Variants in MICAL2 observed in about 807,000 individuals in gnomAD.
The protein encoded by MICAL2 is microtubule associated monooxygenase, calponin and LIM domain containing 2.
A neutral mutation model predicts 127.3 loss-of-function variants in MICAL2; 77 were observed. The observed-to-expected ratio is 0.60, with a 90% confidence interval of 0.50 to 0.73. The LOEUF (loss-of-function observed/expected upper bound fraction) is 0.73. MICAL2 is among the 30% of genes least tolerant of loss of function. MICAL2 has a pLI of 0.00. For missense variants in MICAL2, 1,351 were observed against 1,434.4 expected (o/e 0.94, Z 0.94); for synonymous variants, 570 against 551.1 (o/e 1.03, Z -0.48).
chr11:12,341,564 T>G (rs1938865687), intron 32 of MICAL2, among the ~76,000 whole-genome samples: 1 of 152,204 alleles, frequency 6.6e-6, no homozygotes, highest in Non-Finnish European at 1.5e-5. Flanking sequence ...CGGTGGCTTA[T>G]GCCTCTAATC....
chr11:12,236,733 C>A (rs144339654), intron 16 of MICAL2, among the ~76,000 whole-genome samples: 39 of 152,330 alleles, frequency 2.6e-4, no homozygotes, highest in African/African-American at 8.9e-4. Flanking sequence ...TTACAGGTTA[C>A]TTTGTCAAAG....
chr11:12,230,772 A>G (rs1858151260), intron 15 of MICAL2, among the ~76,000 whole-genome samples: 1 of 151,602 alleles, frequency 6.6e-6, no homozygotes, highest in African/African-American at 2.4e-5. Context: ...ATCAACTTCA[A>G]GCAAAATGAA....
chr11:12,280,276 C>A (rs7947131), intron 1 of MICAL2, among the ~76,000 whole-genome samples: 2 of 151,808 alleles, frequency 1.3e-5, no homozygotes, highest in Non-Finnish European at 2.9e-5. Context: ...ACCAGAGAGA[C>A]CTTAGGAGTC....
At position 12,221,778 on chromosome 11, in the gene MICAL2, G is replaced by C. The variant is rs960743574; in HGVS notation, c.1322+19G>C. The C allele has an allele frequency of 6.2e-7, 1 of 1,600,610 alleles. No homozygotes were observed. Among genetic ancestry groups the C allele is most frequent in the Non-Finnish European group, 8.6e-7 (1 of 1,169,454 alleles). On this transcript the variant is annotated intron_variant, in intron 10 of 27. Transcript: ENST00000683283. Reference sequence around the variant, plus strand: ...CTGAAAGGTGAGCTTTGACAGTAGGGCTCCTAACTGGGGGGCAGGGCACTC... The same window carrying C: ...CTGAAAGGTGAGCTTTGACAGTAGGCCTCCTAACTGGGGGGCAGGGCACTC...
intron 32 of MICAL2, among the ~76,000 whole-genome samples, chr11:12,336,914 CT>C (rs1401145514): frequency 6.6e-6 from 1 of 152,014 alleles, no homozygotes; most frequent in South Asian, 2.1e-4. Context: ...CTAAAATTCT[CT>C]TTTTTTGTTG....
At chr11:12,280,148 C>A (rs1863756853) in intron 1 of MICAL2, among the ~76,000 whole-genome samples, 2 of 152,178 alleles carry the variant, frequency 1.3e-5, no homozygotes, top group South Asian at 4.1e-4. Flanking sequence ...TAAATACCAC[C>A]CACCCCTCAC....
At chr11:12,240,193 A>G (rs1859687267) in intron 17 of MICAL2, among the ~76,000 whole-genome samples, 1 of 152,008 alleles carries the variant, frequency 6.6e-6, no homozygotes, top group African/African-American at 2.4e-5. Flanking sequence ...GTTTTGTCTG[A>G]TGGGGGTTAG....
At chr11:12,124,195 C>G (rs556901807) in intron 1 of MICAL2, among the ~76,000 whole-genome samples, 2 of 152,260 alleles carry the variant, frequency 1.3e-5, no homozygotes, top group African/African-American at 4.8e-5. Flanking sequence ...TTCCATTGAT[C>G]AGAATCCTAT....
chr11:12,226,084 C>G, intron 13 of MICAL2, 87 bp from the exon 14 acceptor site: 7 of 1,291,224 alleles, frequency 5.4e-6, no homozygotes, highest in Non-Finnish European at 7.8e-6. Flanking sequence ...GTGTCACCCT[C>G]AGTGCTCCTT....
At chr11:12,305,594 A>C (rs1204911478) in intron 29 of MICAL2, among the ~76,000 whole-genome samples, 1 of 152,208 alleles carries the variant, frequency 6.6e-6, no homozygotes, top group African/African-American at 2.4e-5. Flanking sequence ...CATTATAACA[A>C]TATACTGTAA....
intron 32 of MICAL2, among the ~76,000 whole-genome samples, chr11:12,339,574 G>C (rs1259089167): frequency 6.6e-6 from 1 of 152,050 alleles, no homozygotes; most frequent in Admixed American, 6.5e-5. Flanking sequence ...CCATCTTTGT[G>C]GTTTTATCTA....
At chr11:12,133,581 G>A (rs184862476) in intron 1 of MICAL2, among the ~76,000 whole-genome samples, 14 of 151,708 alleles carry the variant, frequency 9.2e-5, no homozygotes, top group South Asian at 4.2e-4. Context: ...GACTATAGTC[G>A]TCCCTATTAA....
At chr11:12,138,657 G>T (rs1221690722) in intron 2 of MICAL2, among the ~76,000 whole-genome samples, 197 bp downstream of exon 2, 4 of 152,174 alleles carry the variant, frequency 2.6e-5, no homozygotes, top group African/African-American at 9.7e-5. Flanking sequence ...ACACCACTGA[G>T]TTAGGGTTTG....
chr11:12,158,192 TA>T (rs202103554), intron 2 of MICAL2, among the ~76,000 whole-genome samples: 15 of 147,156 alleles, frequency 1.0e-4, no homozygotes, highest in Admixed American at 2.0e-4. Context: ...GGACATATTC[TA>T]AAAAAAAAAG....
At chr11:12,253,912 ACT>A in intron 22 of MICAL2, 1 of 152,258 alleles carries the variant, frequency 6.6e-6, no homozygotes, top group Middle Eastern at 3.4e-3. Flanking sequence ...TTGGTGATTA[ACT>A]CAACCTTCAG....
intron 1 of MICAL2, among the ~76,000 whole-genome samples, chr11:12,132,804 A>G (rs1489545121): frequency 1.3e-5 from 2 of 152,244 alleles, no homozygotes; most frequent in Non-Finnish European, 1.5e-5. Flanking sequence ...TTAATTCTCT[A>G]GCAAATGCTA....
chr11:12,241,716 T>C (rs1859991996), intron 18 of MICAL2, among the ~76,000 whole-genome samples: 1 of 152,218 alleles, frequency 6.6e-6, no homozygotes, highest in African/African-American at 2.4e-5. Context: ...TTATTGACCA[T>C]AAGCCACAAA....
rs75854622 is a variant in MICAL2, at chr11:12,230,515, C to G, written c.1995+3384C>G. 3.7e-3 allele frequency among the ~76,000 whole-genome samples: 556 copies of G among 152,248 alleles called. 17 individuals carry two copies. The East Asian group carries it at 0.056, about 15-fold the overall frequency. The stretch of plus-strand genomic sequence containing the variant: ...CAATATCTGTACATACAGGTGCATC[C>G]GTATTTGACCTTCCTCCCTGCCCCT... On this transcript the variant is annotated intron_variant, in intron 15 of 27. Transcript: ENST00000683283.
rs1164579375 is a variant in MICAL2 at position 12,335,141 on chromosome 11, C to T, written c.5515+7875C>T. 6.9e-5 allele frequency among the ~76,000 whole-genome samples: 10 copies of T among 145,950 alleles called. No homozygotes were observed. In the South Asian group the frequency reaches 9.1e-4, roughly 13 times the overall value. ...TTTTTCCTGATTTTTTAATGATTGC[C>T]GTTCTAACTGGTGTGAGATGGTATC... is the stretch of plus-strand genomic sequence containing the variant. On this transcript the variant is annotated intron_variant, in intron 32 of 34. Transcript: ENST00000646065.
Sources: gnomAD v4.1 joint callset for allele counts (sites outside exome capture counted in the v4.1 genomes callset) on GRCh38, gnomAD v4.1.1 for gene constraint, MANE v1.5 for transcripts, NCBI Gene and HGNC (gene_info 2026-07-23, HGNC 2026-07-21) for gene names.